The following ZRANB1 variants were observed in gnomAD, a reference collection of about 807,000 sequenced individuals.
The protein encoded by ZRANB1 is ubiquitin thioesterase ZRANB1.
A neutral mutation model predicts 80.5 loss-of-function variants in ZRANB1; 16 were observed. The observed-to-expected ratio is 0.20, with a 90% CI of 0.13 to 0.30. The LOEUF is 0.30. Ranked by LOEUF, ZRANB1 falls within the 10% of genes least tolerant of loss-of-function variation. The pLI is 1.00. For missense variants in ZRANB1, 576 were observed against 862.6 expected (o/e 0.67, Z 4.16); for synonymous variants, 291 against 293.1 (o/e 0.99, Z 0.07).
chr10:124,964,236 A>C (rs1166748822), intron 1 of ZRANB1, among the ~76,000 whole-genome samples: 6 of 152,366 alleles, frequency 3.9e-5, no homozygotes, highest in Non-Finnish European at 1.5e-5. Context: ...AAAAGCACTT[A>C]ATGAAAGCAG....
chr10:124,923,445 T>C, the ZRANB1 span, among the ~76,000 whole-genome samples: 2 of 148,842 alleles, frequency 1.3e-5, no homozygotes, highest in Non-Finnish European at 3.0e-5. Flanking sequence ...TTCAAAAAAA[T>C]TAGCTGGGCG....
At chr10:124,932,004 G>C in the ZRANB1 span, among the ~76,000 whole-genome samples, 55 of 152,026 alleles carry the variant, frequency 3.6e-4, no homozygotes, top group Non-Finnish European at 7.5e-4. Flanking sequence ...GCAATCCCCT[G>C]ATCTTTTTAC....
chr10:124,979,194 C>T (rs1297458943), intron 5 of ZRANB1, among the ~76,000 whole-genome samples: 1 of 152,186 alleles, frequency 6.6e-6, no homozygotes, highest in Admixed American at 6.5e-5. Context: ...CTCCTGGGCT[C>T]AGGTGATCTT....
At chr10:124,936,185 G>T in the ZRANB1 span, among the ~76,000 whole-genome samples, 1 of 152,252 alleles carries the variant, frequency 6.6e-6, no homozygotes, top group East Asian at 1.9e-4. Context: ...GTGTGTGTTT[G>T]TGACAGGAAG....
intron 1 of ZRANB1, among the ~76,000 whole-genome samples, chr10:124,959,459 A>G (rs571126281): frequency 6.6e-6 from 1 of 151,366 alleles, no homozygotes; most frequent in South Asian, 2.1e-4. Context: ...GCAGTGGTAA[A>G]CTTTTTTTTT....
chr10:124,960,658 C>T (rs1387081340), intron 1 of ZRANB1, among the ~76,000 whole-genome samples: 1 of 152,078 alleles, frequency 6.6e-6, no homozygotes, highest in Non-Finnish European at 1.5e-5. Context: ...GGGCTCTAAG[C>T]GATTCTCCTG....
At chr10:124,924,314 A>G in the ZRANB1 span, among the ~76,000 whole-genome samples, 2 of 150,776 alleles carry the variant, frequency 1.3e-5, no homozygotes, top group African/African-American at 4.8e-5. Context: ...AAAAAAAAGC[A>G]GCTTCATTGA....
Position 124,987,468 on chromosome 10 carries a change from TTCA to T in ZRANB1, c.*2479_*2481del, listed in dbSNP as rs1952083488. ...CCTTTTTATGTTTTTGACTCTTAGG[TTCA>T]TCGTGTCCCAGACTTCTTCACATAT... On this transcript the variant is annotated 3_prime_UTR_variant, in exon 9 of 9. Coordinates refer to ENST00000359653, the MANE Select transcript of ZRANB1 (RefSeq NM_017580.3). 6.6e-6 allele frequency: 1 copy of T among 152,186 alleles called. No individual in the cohort carries two copies. Among genetic ancestry groups the T allele is most frequent in the Non-Finnish European group, 1.5e-5 (1 of 68,030 alleles). The allele number at this position is 152,186 out of a possible 1,614,324, so 9.4% of individuals were successfully genotyped here. A position where few individuals can be genotyped will look rare whatever the true frequency, so the allele number is the denominator to read the frequency against.
At chr10:124,917,661 C>T in the ZRANB1 span, among the ~76,000 whole-genome samples, 4 of 152,332 alleles carry the variant, frequency 2.6e-5, no homozygotes, top group East Asian at 1.9e-4. Flanking sequence ...TTGGGTCCAT[C>T]GCCACAAGTT....
chr10:124,962,326 G>T, intron 1 of ZRANB1: 1 of 977,306 alleles, frequency 1.0e-6, no homozygotes, highest in Non-Finnish European at 1.2e-6. Context: ...GGTCCACCCT[G>T]ACCCCACAGC....
At chr10:124,940,314 A>C (rs1164600711), upstream of ZRANB1, among the ~76,000 whole-genome samples, 1 of 152,264 alleles carries the variant, frequency 6.6e-6, no homozygotes, top group East Asian at 1.9e-4. Flanking sequence ...TAAAGCCTTA[A>C]AAATCTTTTA....
At chr10:124,922,280 AAATATATATATATATGT>A in the ZRANB1 span, among the ~76,000 whole-genome samples, 2 of 35,336 alleles carry the variant, frequency 5.7e-5, no homozygotes, top group South Asian at 1.2e-3. Context: ...TATATATGTA[AAATATATATATATATGT>A]AAAATATATA....
rs1205674890 is a variant in ZRANB1 at position 124,987,979 on chromosome 10, T to G, written c.*2987T>G. The G allele has an allele frequency of 1.3e-5, 2 of 152,574 alleles. No individual in the cohort carries two copies. Among genetic ancestry groups the G allele is most frequent in the Non-Finnish European group, 2.9e-5 (2 of 67,938 alleles). The allele number at this position is 152,574 out of a possible 1,614,324, so 9.5% of individuals were successfully genotyped here. A position where few individuals can be genotyped will look rare whatever the true frequency, so the allele number is the denominator to read the frequency against. On this transcript the variant is annotated 3_prime_UTR_variant, in exon 9 of 9. Coordinates refer to ENST00000359653, the MANE Select transcript of ZRANB1 (RefSeq NM_017580.3). ...TTGTTAGGTTATTGGCAAAACAGTT[T>G]CAAGGTTCACTTCCCTCCCTTGAAC...
At chr10:124,929,268 G>A in the ZRANB1 span, among the ~76,000 whole-genome samples, 1 of 152,000 alleles carries the variant, frequency 6.6e-6, no homozygotes, top group Non-Finnish European at 1.5e-5. Context: ...GAGGGTACTG[G>A]AGTCAGAACT....
In ZRANB1 at chr10:124,983,056, T is replaced by C; in HGVS notation, c.1549-119T>C. On this transcript the variant is annotated intron_variant, in intron 6 of 8. Coordinates refer to ENST00000359653, the MANE Select transcript of ZRANB1 (RefSeq NM_017580.3). This position sits in a 1 kb window ranked among gnomAD's most constrained non-coding sequence, Gnocchi z 6.2. ...GGAATCAAATGCTGCTTTGACAATC[T>C]TTTCTTTCTTAAAAACCAACTGCGA... is the stretch of plus-strand genomic sequence containing the variant. 1 of 1,016,672 alleles carries C rather than the reference T, an allele frequency of 9.8e-7. No individual in the cohort carries two copies. Among genetic ancestry groups the C allele is most frequent in the Non-Finnish European group, 1.4e-6 (1 of 713,302 alleles). 63.0% of individuals were successfully genotyped at this position (1,016,672 alleles called of 1,614,324 possible).
rs1379994741 is a variant in ZRANB1 at position 124,942,600 on chromosome 10, TTA to T, written c.109_110del (p.Ile37TyrfsTer6). The stretch of plus-strand genomic sequence containing the variant: ...CGTGCCCAAAGACCTAGTGGAACAA[TTA>T]TTACAGAAGATCCATTTAAAAGTGG... On this transcript the variant is annotated frameshift_variant, in exon 1 of 9. Transcript: ENST00000359653. LOFTEE classifies it high-confidence loss of function. The T allele has an allele frequency of 6.2e-7, 1 of 1,614,016 alleles. No individual in the cohort carries two copies. The highest frequency in any genetic ancestry group is 8.5e-7 in the Non-Finnish European group (1 of 1,180,040).
chr10:124,981,888 G>A (rs1319829327), intron 6 of ZRANB1, 59 bp downstream of exon 6: 3 of 1,594,698 alleles, frequency 1.9e-6, no homozygotes, highest in Non-Finnish European at 2.6e-6. Flanking sequence ...AGTCTAAACT[G>A]GTTTATTTGA....
chr10:124,974,762 C>T (rs1951860790), intron 5 of ZRANB1, among the ~76,000 whole-genome samples: 1 of 152,110 alleles, frequency 6.6e-6, no homozygotes, highest in South Asian at 2.1e-4. Context: ...TTGATAAGGC[C>T]GTTGCTCATC....
intron 1 of ZRANB1, among the ~76,000 whole-genome samples, chr10:124,956,263 A>G (rs1200700753): frequency 6.6e-6 from 1 of 152,218 alleles, no homozygotes; most frequent in African/African-American, 2.4e-5. Flanking sequence ...ATCAAGTATA[A>G]AAGGATGTGT....
Sources: gnomAD v4.1 joint callset for allele counts (sites outside exome capture counted in the v4.1 genomes callset) on GRCh38, gnomAD v4.1.1 for gene constraint, Gnocchi (gnomAD v3.1) non-coding constraint, MANE v1.5 for transcripts, NCBI Gene and HGNC (gene_info 2026-07-23, HGNC 2026-07-21) for gene names.